PARP14: variants seen among roughly 807,000 people sequenced by gnomAD.
PARP14 encodes protein mono-ADP-ribosyltransferase PARP14.
Under a neutral mutation model 154.2 loss-of-function variants are expected in PARP14, and 59 were observed. The observed-to-expected ratio is 0.38, with a 90% CI of 0.31 to 0.48. The LOEUF is 0.48. Among genes scored for constraint, PARP14 ranks in the 20% least tolerant of loss-of-function variants. The pLI is 0.98. For synonymous variants in PARP14, 720 were observed against 780.5 expected (o/e 0.92, Z 1.29); for missense variants, 1,734 against 2,131.6 (o/e 0.81, Z 3.67).
intron 2 of PARP14, 136 bp from the exon 3 acceptor site, chr3:122,686,944 T>G: frequency 1.6e-6 from 1 of 633,852 alleles, no homozygotes. Context: ...CCCAGATGTA[T>G]TCAAGAGCAC....
intron 13 of PARP14, 25 bp downstream of exon 13, chr3:122,718,302 G>C (rs761647079): frequency 3.7e-6 from 6 of 1,610,930 alleles, no homozygotes; most frequent in African/African-American, 1.3e-5. Context: ...TTTATGAAAT[G>C]CATGTTCATA....
Position 122,721,149 on chromosome 3 carries a change from G to A in PARP14, c.4941+761G>A, listed in dbSNP as rs184134790. ...TTATTCACGCCATTTATGCTTAAAC[G>A]GTCTTTTGTCTCTGTACCTCACCAG... On this transcript the variant is annotated intron_variant, in intron 15 of 16. Transcript: ENST00000474629. 69 of 316,688 alleles carry A rather than the reference G, an allele frequency of 2.2e-4. No homozygotes were observed. In the East Asian group the frequency reaches 5.6e-3, roughly 26 times the overall value. 19.6% of individuals were successfully genotyped at this position (316,688 alleles called of 1,614,324 possible).
rs754191500 is a variant in PARP14, at chr3:122,713,852, A to G, written c.3770-20A>G. 43 of 1,563,000 alleles carry G rather than the reference A, an allele frequency of 2.8e-5. No individual in the cohort carries two copies. Among genetic ancestry groups the G allele is most frequent in the Non-Finnish European group, 3.8e-5 (43 of 1,133,578 alleles). ...TGGTTTTTTACTCATGTTTGTTATCATCTTGATTTTCTCATGTAGGGGTCT... is the reference window on the plus strand; with the variant it reads ...TGGTTTTTTACTCATGTTTGTTATCGTCTTGATTTTCTCATGTAGGGGTCT... On this transcript the variant is annotated intron_variant, in intron 10 of 16. Transcript: ENST00000474629.
Position 122,727,847 on chromosome 3 carries a change from C to G in PARP14, c.4977C>G (p.Ser1659Arg). ...TCCAGAATCCAGATCTCTGGAATAG[C>G]TACCAGGCAAAGAAAAAAACTATGG... ...ERIQNPDLWN[S>R]YQAKKKTMDA... is the part of the protein sequence containing the mutation. Residue 1659 changes from serine to arginine, a missense_variant, in exon 16 of 17, where the codon AGC (serine) becomes AGG (arginine). Ser to Arg is a moderately radical substitution (Grantham distance 110, BLOSUM62 -1). Coordinates refer to ENST00000474629, the MANE Select transcript of PARP14 (RefSeq NM_017554.3). 1 of 1,612,176 alleles carries G rather than the reference C, an allele frequency of 6.2e-7. No individual in the cohort carries two copies. Among genetic ancestry groups the G allele is most frequent in the East Asian group, 2.2e-5 (1 of 44,846 alleles).
At chr3:122,686,393 G>A (rs761863443) in intron 2 of PARP14, among the ~76,000 whole-genome samples, 1 of 152,086 alleles carries the variant, frequency 6.6e-6, no homozygotes, top group Non-Finnish European at 1.5e-5. Context: ...GGGCTCATGT[G>A]ATCCACTTGC....
intron 2 of PARP14, chr3:122,686,832 A>G: frequency 8.7e-6 from 4 of 462,196 alleles, no homozygotes; most frequent in Non-Finnish European, 1.5e-5. Context: ...GATGTACCTC[A>G]TATTCCCAAA....
intron 6 of PARP14, among the ~76,000 whole-genome samples, chr3:122,702,462 C>T (rs1240996257): frequency 2.0e-5 from 3 of 152,180 alleles, no homozygotes; most frequent in South Asian, 2.1e-4. Flanking sequence ...TCGGGTGATC[C>T]GCCTGCTTCA....
At position 122,704,726 on chromosome 3, in the gene PARP14, C is replaced by T. The variant is rs765919878; in HGVS notation, c.3518C>T (p.Pro1173Leu). The T allele has an allele frequency of 1.4e-5, 22 of 1,597,760 alleles. No individual in the cohort carries two copies. The highest frequency in any genetic ancestry group is 2.3e-5 in the South Asian group (2 of 88,598). ...CAAGAGGTTCACTTTCTGCTGCACC[C>T]GAGTGATCATGAAAATATTCAGGTA... ...TLQEVHFLLH[P>L]SDHENIQAFS... The change falls in exon 8 of 17, where the codon CCG becomes CTG. Residue 1173 changes from proline to leucine, a missense_variant. By Grantham distance (98) the Pro-to-Leu change is moderately conservative (BLOSUM62 -3). Transcript: ENST00000474629.
chr3:122,715,388 C>G (rs1932964716), intron 12 of PARP14, among the ~76,000 whole-genome samples: 1 of 152,176 alleles, frequency 6.6e-6, no homozygotes, highest in Non-Finnish European at 1.5e-5. Context: ...CCATCCTTGT[C>G]AATTTCTGGG....
chr3:122,687,103 T>A lies in PARP14; in HGVS notation c.345T>A (p.Val115=). The A allele has an allele frequency of 6.3e-7, 1 of 1,595,990 alleles. No individual in the cohort carries two copies. Among genetic ancestry groups the A allele is most frequent in the South Asian group, 1.1e-5 (1 of 88,470 alleles). ...LTKESKTKED[V]KEPDVSEELD... is the part of the protein sequence containing the mutation. ...AGGAATCCAAGACCAAAGAAGATGT[T>A]AAAGAACCAGGTAAAATCTCAGTTG... The change falls in exon 3 of 17, where the codon GTT becomes GTA. Residue 115 remains valine, a synonymous_variant. Transcript: ENST00000474629.
At chr3:122,722,133 G>C (rs1933179247) in intron 15 of PARP14, 2 of 152,168 alleles carry the variant, frequency 1.3e-5, no homozygotes, top group Admixed American at 6.5e-5. Context: ...TGACTCCTGA[G>C]AGATTTCTCT....
rs1367022262 is a variant in PARP14, at chr3:122,729,856, A to G, written c.*1259A>G. 6.6e-6 allele frequency: 1 copy of G among 152,150 alleles called. No homozygotes were observed. Among genetic ancestry groups the G allele is most frequent in the Non-Finnish European group, 1.5e-5 (1 of 68,034 alleles). The allele number at this position is 152,150 out of a possible 1,614,324, so 9.4% of individuals were successfully genotyped here. On this transcript the variant is annotated 3_prime_UTR_variant, in exon 17 of 17. Transcript: ENST00000474629. ...GAACTCTAAGATTATTAAATAGTAT[A>G]TTTTCCTTGACAGCCTAGCGTTTGA...
intron 15 of PARP14, among the ~76,000 whole-genome samples, chr3:122,724,333 C>T (rs915219033): frequency 1.3e-4 from 20 of 150,244 alleles, no homozygotes; most frequent in Middle Eastern, 6.8e-3. Context: ...AAGTTTTGCT[C>T]TGTCATTCCA....
In PARP14 at chr3:122,718,206, T is replaced by C; in HGVS notation, c.4136T>C (p.Phe1379Ser). The change falls in exon 13 of 17, where the codon TTT becomes TCT. Residue 1379 changes from phenylalanine (F) to serine (S), a missense_variant. By Grantham distance (155) the Phe-to-Ser change is radical. Around this residue, in one of 2 missense-constraint regions of PARP14, gnomAD observed 1,646 missense variants for 1,976.0 expected, o/e 0.83. Transcript: ENST00000474629. ...TTTCTGCCTCAAGTACTGGATGTGT[T>C]TTATGCCAACATGAAGAAAAGAGAA... ...VIFLPQVLDV[F>S]YANMKKREGT... 6.2e-7 allele frequency: 1 copy of C among 1,613,698 alleles called. No individual in the cohort carries two copies. The highest frequency in any genetic ancestry group is 1.3e-5 in the African/African-American group (1 of 75,048).
intron 15 of PARP14, among the ~76,000 whole-genome samples, chr3:122,723,488 T>C (rs1462567389): frequency 1.3e-5 from 2 of 152,232 alleles, no homozygotes; most frequent in East Asian, 3.8e-4. Context: ...GAAGAATCCA[T>C]GCCAGTTTTA....
At chr3:122,720,055 C>CT (rs151330692) in intron 14 of PARP14, among the ~76,000 whole-genome samples, 200 bp from the exon 15 acceptor site, 7 of 151,962 alleles carry the variant, frequency 4.6e-5, no homozygotes, top group Admixed American at 3.3e-4. Context: ...TGTGGCTTTC[C>CT]TTTTTTTTGT....
chr3:122,722,816 A>T (rs1201977176), intron 15 of PARP14, among the ~76,000 whole-genome samples: 1 of 152,246 alleles, frequency 6.6e-6, no homozygotes, highest in Non-Finnish European at 1.5e-5. Flanking sequence ...TGCAGACATC[A>T]TGATACTCCT....
Position 122,700,925 on chromosome 3 carries a change from A to G in PARP14, c.2371A>G (p.Lys791Glu). The G allele has an allele frequency of 3.7e-6, 6 of 1,613,738 alleles. No homozygotes were observed. The highest frequency in any genetic ancestry group is 5.1e-6 in the Non-Finnish European group (6 of 1,179,804). ...GGAGGGAGGCAGCCCCGCTGGGCAG[A>G]AGTGCTTCTCTCGGACAGTCTTGGC... ...MKEGGSPAGQKCFSRTVLAPG... is the reference protein window; with the variant it reads ...MKEGGSPAGQECFSRTVLAPG... Residue 791 changes from lysine to glutamate, a missense_variant, in exon 6 of 17, where the codon AAG (lysine) becomes GAG (glutamate). Physicochemically the swap from Lys to Glu is moderately conservative, Grantham distance 56. This residue lies in a region of PARP14 where 1,646 missense variants were observed against 1,976.0 expected (regional missense o/e 0.83). Transcript: ENST00000474629.
At chr3:122,702,221 C>A (rs533477430) in intron 6 of PARP14, among the ~76,000 whole-genome samples, 6 of 152,150 alleles carry the variant, frequency 3.9e-5, no homozygotes, top group South Asian at 2.1e-4. Context: ...GTTTCTTTTT[C>A]TTTTTATTTT....
Sources: gnomAD v4.1 joint callset for allele counts (sites outside exome capture counted in the v4.1 genomes callset) on GRCh38, gnomAD v4.1.1 for gene constraint, gnomAD v4.1.1 regional missense constraint, MANE v1.5 for transcripts, NCBI Gene and HGNC (gene_info 2026-07-23, HGNC 2026-07-21) for gene names.